Variants in ATP11B observed in about 807,000 individuals in gnomAD.
ATP11B encodes ATPase phospholipid transporting 11B (putative), also known as phospholipid-transporting ATPase IF.
A neutral mutation model predicts 157.8 loss-of-function variants in ATP11B; 81 were observed. That is an observed-to-expected ratio of 0.51 (90% CI 0.43 to 0.62). The LOEUF is 0.62. ATP11B is among the 20% of genes least tolerant of loss of function. The pLI is 0.00. For missense variants in ATP11B, 1,165 were observed against 1,402.2 expected (o/e 0.83, Z 2.70); for synonymous variants, 451 against 469.4 (o/e 0.96, Z 0.51).
chr3:182,869,711 G>A (rs1202287601), intron 17 of ATP11B, among the ~76,000 whole-genome samples: 10 of 152,168 alleles, frequency 6.6e-5, no homozygotes, highest in Admixed American at 6.5e-4. Flanking sequence ...TCCTCAAAAG[G>A]TAAACATTGA....
At chr3:182,876,137 G>A (rs142342070) in intron 19 of ATP11B, among the ~76,000 whole-genome samples, 56 of 152,130 alleles carry the variant, frequency 3.7e-4, no homozygotes, top group Non-Finnish European at 5.7e-4. Flanking sequence ...CAGTTACTCC[G>A]AAAGCTGAGA....
intron 1 of ATP11B, among the ~76,000 whole-genome samples, chr3:182,819,766 A>G (rs1314106648): frequency 6.6e-6 from 1 of 152,180 alleles, no homozygotes; most frequent in African/African-American, 2.4e-5. Context: ...AAATAAATAT[A>G]AACCTTTGCC....
intron 29 of ATP11B, 108 bp from the exon 30 acceptor site, chr3:182,917,915 A>G: frequency 6.8e-7 from 1 of 1,460,238 alleles, no homozygotes; most frequent in Non-Finnish European, 9.1e-7. Context: ...TAGTATTTAA[A>G]TGAATCAATC....
chr3:182,882,364 T>C (rs1051733724), intron 21 of ATP11B, among the ~76,000 whole-genome samples: 3 of 152,164 alleles, frequency 2.0e-5, no homozygotes, highest in Admixed American at 6.5e-5. Flanking sequence ...AACAGTTTAA[T>C]TCTGTAATGA....
intron 1 of ATP11B, among the ~76,000 whole-genome samples, chr3:182,797,721 G>T (rs1298019541): frequency 2.0e-5 from 3 of 150,346 alleles, no homozygotes; most frequent in Admixed American, 2.0e-4. Flanking sequence ...AAAGAAAAAA[G>T]AAAAAAGAAA....
rs1186659648 is a variant in ATP11B, at chr3:182,869,111, A to G, written c.1722A>G (p.Ser574=). 1.2e-6 allele frequency: 2 copies of G among 1,610,548 alleles called. No individual in the cohort carries two copies. Among genetic ancestry groups the G allele is most frequent in the Non-Finnish European group, 1.7e-6 (2 of 1,178,468 alleles). The change falls in exon 16 of 30, where the codon TCA becomes TCG. Residue 574 remains serine (S), a synonymous_variant. Transcript: ENST00000323116. ...TGCTTCATATTCTGGAATTTGATTC[A>G]GATCGTAGGAGAATGAGTGTAATTG... ...YKLLHILEFD[S]DRRRMSVIVQ...
chr3:182,896,256 A>T (rs1723542842), intron 25 of ATP11B, among the ~76,000 whole-genome samples: 1 of 152,108 alleles, frequency 6.6e-6, no homozygotes, highest in Non-Finnish European at 1.5e-5. Flanking sequence ...TTAAGTGTAA[A>T]TTTCTTTTCT....
chr3:182,914,761 C>G (rs1725031097), intron 29 of ATP11B: 1 of 985,252 alleles, frequency 1.0e-6, no homozygotes, highest in Non-Finnish European at 1.2e-6. Flanking sequence ...TTTAAACTTG[C>G]AATGGATTTA....
rs761558271 is a variant in ATP11B at position 182,866,408 on chromosome 3, A to G, written c.1584A>G (p.Ser528=). Residue 528 remains serine, a synonymous_variant, in exon 14 of 30, where the codon TCA becomes TCG. Transcript: ENST00000323116. The stretch of plus-strand genomic sequence containing the variant: ...CGCAGTTGGAGTACTATGCATCTTC[A>G]CCAGATGAAAAGGCTCTAGTAGAAG... ...APSQLEYYAS[S]PDEKALVEAA... The G allele has an allele frequency of 1.2e-6, 2 of 1,612,026 alleles. No homozygotes were observed. Among genetic ancestry groups the G allele is most frequent in the South Asian group, 1.1e-5 (1 of 90,660 alleles).
At chr3:182,810,847 A>G (rs919392937) in intron 1 of ATP11B, among the ~76,000 whole-genome samples, 14 of 152,216 alleles carry the variant, frequency 9.2e-5, no homozygotes, top group African/African-American at 2.9e-4. Context: ...ACATCCAAAT[A>G]CATAGTTGAT....
At chr3:182,839,856 G>A (rs1442468266) in intron 7 of ATP11B, among the ~76,000 whole-genome samples, 1 of 152,018 alleles carries the variant, frequency 6.6e-6, no homozygotes, top group Admixed American at 6.6e-5. Flanking sequence ...CAAGTGATCC[G>A]CCCACTTCAG....
intron 2 of ATP11B, among the ~76,000 whole-genome samples, chr3:182,821,448 C>T (rs556203703): frequency 1.7e-4 from 26 of 152,272 alleles, no homozygotes; most frequent in Non-Finnish European, 3.1e-4. Context: ...GCTTTAAAGT[C>T]TGCTTCCTCC....
intron 1 of ATP11B, among the ~76,000 whole-genome samples, chr3:182,794,159 G>C (rs1272753261): frequency 6.6e-6 from 1 of 152,232 alleles, no homozygotes; most frequent in Non-Finnish European, 1.5e-5. Context: ...AGTAGGTCTT[G>C]GGGAGATGAG....
Position 182,909,371 on chromosome 3 carries a change from G to A in ATP11B, c.3319-4490G>A, listed in dbSNP as rs532204440. ...TGTGGTCATTCCTGGGAGCAAGTGTGGTGGAAAGTGAGGCTTACCAATCAC... is the reference window on the plus strand; with the variant it reads ...TGTGGTCATTCCTGGGAGCAAGTGTAGTGGAAAGTGAGGCTTACCAATCAC... On this transcript the variant is annotated intron_variant, in intron 28 of 29. Coordinates refer to ENST00000323116, the MANE Select transcript of ATP11B (RefSeq NM_014616.3). 3.3e-5 allele frequency among the ~76,000 whole-genome samples: 5 copies of A among 152,276 alleles called. No individual in the cohort carries two copies. The East Asian group carries it at 9.6e-4, about 29-fold the overall frequency.
At position 182,916,241 on chromosome 3, in the gene ATP11B, CTA is replaced by C. The variant is rs1434113403; in HGVS notation, c.3453-1780_3453-1779del. 4 of 985,042 alleles carry C rather than the reference CTA, an allele frequency of 4.1e-6. No homozygotes were observed. The Admixed American group carries it at 1.8e-4, about 46-fold the overall frequency. The allele number at this position is 985,042 out of a possible 1,614,324, so 61.0% of individuals were successfully genotyped here. The stretch of plus-strand genomic sequence containing the variant: ...TTGTGACTTTAGAGTAGCATCTATT[CTA>C]TGTTTCTATTTCATGTCTAATTTAA... On this transcript the variant is annotated intron_variant, in intron 29 of 29. Transcript: ENST00000323116.
intron 4 of ATP11B, among the ~76,000 whole-genome samples, chr3:182,831,888 T>C (rs9851230): frequency 0.52 from 79,638 of 152,018 alleles, 23,769 homozygotes; most frequent in Non-Finnish European, 0.68. Flanking sequence ...AGATAATTTA[T>C]TCTATATACC....
At chr3:182,801,101 C>T (rs1334023306) in intron 1 of ATP11B, among the ~76,000 whole-genome samples, 1 of 152,198 alleles carries the variant, frequency 6.6e-6, no homozygotes, top group Non-Finnish European at 1.5e-5. Flanking sequence ...CCCACCAGGC[C>T]TTCCTTTGAA....
chr3:182,912,874 T>C (rs1444593238), intron 28 of ATP11B, among the ~76,000 whole-genome samples: 1 of 152,138 alleles, frequency 6.6e-6, no homozygotes, highest in South Asian at 2.1e-4. Flanking sequence ...GGATGTTATA[T>C]ATGTAAAAGA....
intron 28 of ATP11B, among the ~76,000 whole-genome samples, chr3:182,911,271 G>GCGC (rs546621763): frequency 1.3e-5 from 1 of 76,612 alleles, no homozygotes. Flanking sequence ...CTATTGAAAT[G>GCGC]CCCCCCCCCG....
Sources: gnomAD v4.1 joint callset for allele counts (sites outside exome capture counted in the v4.1 genomes callset) on GRCh38, gnomAD v4.1.1 for gene constraint, MANE v1.5 for transcripts, NCBI Gene and HGNC (gene_info 2026-07-23, HGNC 2026-07-21) for gene names.